Variants in AFF3 observed in about 807,000 individuals in gnomAD.
The protein encoded by AFF3 is AF4/FMR2 family member 3.
AFF3 carries 32 observed loss-of-function variants against 129.7 expected under a neutral mutation model. The ratio of observed to expected loss-of-function variants is 0.25; its 90% CI spans 0.19 to 0.33. The LOEUF is 0.33. Ranked by LOEUF, AFF3 falls within the 10% of genes least tolerant of loss-of-function variation. The pLI is 1.00. For synonymous variants in AFF3, 644 were observed against 635.4 expected (o/e 1.01, Z -0.20); for missense variants, 1,373 against 1,592.0 (o/e 0.86, Z 2.34).
At chr2:100,058,612 C>T (rs1399651514) in intron 4 of AFF3, among the ~76,000 whole-genome samples, 1 of 152,046 alleles carries the variant, frequency 6.6e-6, no homozygotes, top group Non-Finnish European at 1.5e-5. Flanking sequence ...ACTGTATAGC[C>T]TCTACCAAAA....
chr2:99,827,899 C>G (rs1263122002), intron 8 of AFF3, among the ~76,000 whole-genome samples: 1 of 151,938 alleles, frequency 6.6e-6, no homozygotes, highest in African/African-American at 2.4e-5. Flanking sequence ...GCCACTGGCC[C>G]AGGGGTGCTC....
At position 100,058,895 on chromosome 2, in the gene AFF3, G is replaced by A. The variant is rs1259319684; in HGVS notation, c.53+45507C>T. On this transcript the variant is annotated intron_variant, in intron 4 of 24. Transcript: ENST00000672756. Reference sequence around the variant, plus strand: ...AAATCATGTATCTGATAAGGGACTTGTACCTGAAATATACACTGAATTCTT... The same window carrying A: ...AAATCATGTATCTGATAAGGGACTTATACCTGAAATATACACTGAATTCTT... Among the ~76,000 whole-genome samples, 5 of 152,230 alleles carry A rather than the reference G, an allele frequency of 3.3e-5. No homozygotes were observed. In the East Asian group the frequency reaches 9.6e-4, roughly 29 times the overall value.
At chr2:100,002,929 C>T (rs184538283) in intron 7 of AFF3, among the ~76,000 whole-genome samples, 5 of 152,314 alleles carry the variant, frequency 3.3e-5, no homozygotes, top group Admixed American at 2.6e-4. Context: ...GCCCCCATCA[C>T]CTAACATATA....
chr2:99,866,810 C>A (rs1457801627), intron 7 of AFF3, among the ~76,000 whole-genome samples: 1 of 151,712 alleles, frequency 6.6e-6, no homozygotes, highest in Non-Finnish European at 1.5e-5. Flanking sequence ...AACCCTATAT[C>A]TACTAAAAAT....
intron 8 of AFF3, among the ~76,000 whole-genome samples, chr2:99,760,069 T>C (rs1260171000): frequency 6.6e-6 from 1 of 152,162 alleles, no homozygotes; most frequent in Non-Finnish European, 1.5e-5. Flanking sequence ...ACTAGTATAG[T>C]TCCCCTCCCA....
intron 4 of AFF3, among the ~76,000 whole-genome samples, chr2:100,081,461 GCTCACCCAGGC>G (rs1689044685): frequency 6.6e-6 from 1 of 151,840 alleles, no homozygotes; most frequent in African/African-American, 2.4e-5. Context: ...GTGACCACCT[GCTCACCCAGGC>G]ACTTCCTCCA....
chr2:100,025,096 A>G (rs1683930037), intron 4 of AFF3, among the ~76,000 whole-genome samples: 1 of 152,136 alleles, frequency 6.6e-6, no homozygotes, highest in South Asian at 2.1e-4. Context: ...ACTATCAAAT[A>G]CAGCACAGGA....
At chr2:99,915,408 C>G (rs964291506) in intron 7 of AFF3, among the ~76,000 whole-genome samples, 2 of 152,024 alleles carry the variant, frequency 1.3e-5, no homozygotes, top group African/African-American at 4.8e-5. Context: ...GTAATAAAAG[C>G]CATACAAACC....
At chr2:99,616,562 T>C (rs1360104870) in intron 13 of AFF3, among the ~76,000 whole-genome samples, 2 of 152,150 alleles carry the variant, frequency 1.3e-5, no homozygotes, top group South Asian at 4.1e-4. Flanking sequence ...GAGACTAGCC[T>C]GACCAATATG....
At chr2:100,078,630 T>G (rs1054529589) in intron 4 of AFF3, among the ~76,000 whole-genome samples, 1 of 152,154 alleles carries the variant, frequency 6.6e-6, no homozygotes, top group African/African-American at 2.4e-5. Flanking sequence ...TGAACTGAGT[T>G]AAATGGACTT....
chr2:99,733,995 A>C (rs1453467054), intron 10 of AFF3, among the ~76,000 whole-genome samples: 1 of 152,224 alleles, frequency 6.6e-6, no homozygotes, highest in Non-Finnish European at 1.5e-5. Flanking sequence ...GAGCTGTATT[A>C]AATCTATAGA....
In AFF3 at chr2:99,752,328, T is replaced by G. The variant is rs533779751; in HGVS notation, c.922-27A>C. On this transcript the variant is annotated intron_variant, in intron 8 of 24. Transcript: ENST00000672756. ...TGAAGGACGGGATAAAAACAAACAA[T>G]ATTGTGATACAGACAGTATTTAAAA... is the stretch of plus-strand genomic sequence containing the variant. 3.8e-6 allele frequency: 6 copies of G among 1,584,472 alleles called. No homozygotes were observed. The South Asian group carries it at 5.5e-5, about 15-fold the overall frequency.
chr2:99,662,197 A>G (rs1209092904), intron 12 of AFF3, among the ~76,000 whole-genome samples: 1 of 152,186 alleles, frequency 6.6e-6, no homozygotes, highest in Non-Finnish European at 1.5e-5. Context: ...CAAACAAACC[A>G]ACCCTTCTGC....
chr2:99,802,770 G>A (rs1163663443), intron 8 of AFF3, among the ~76,000 whole-genome samples: 2 of 150,760 alleles, frequency 1.3e-5, no homozygotes, highest in Non-Finnish European at 2.9e-5. Context: ...GTCACTGTTG[G>A]TGTATAGCAG....
intron 7 of AFF3, among the ~76,000 whole-genome samples, chr2:100,005,253 T>C (rs1292694609): frequency 6.6e-6 from 1 of 152,246 alleles, no homozygotes; most frequent in African/African-American, 2.4e-5. Context: ...TTTTTTTGTT[T>C]TAACTAGAGT....
At chr2:99,828,924 T>C (rs1558891235) in intron 8 of AFF3, among the ~76,000 whole-genome samples, 1 of 152,216 alleles carries the variant, frequency 6.6e-6, no homozygotes, top group Non-Finnish European at 1.5e-5. Context: ...TAAGTACTAA[T>C]ATCACTTCAG....
At chr2:100,124,336 A>G (rs1217308396) in intron 2 of AFF3, among the ~76,000 whole-genome samples, 3 of 152,234 alleles carry the variant, frequency 2.0e-5, no homozygotes, top group Non-Finnish European at 4.4e-5. Context: ...GTGAAAAGAA[A>G]GCTTGCCTAG....
At chr2:99,810,602 C>G (rs1349933732) in intron 8 of AFF3, among the ~76,000 whole-genome samples, 2 of 152,150 alleles carry the variant, frequency 1.3e-5, no homozygotes, top group East Asian at 3.9e-4. Flanking sequence ...AAAGTAGTAT[C>G]TGAAATATCT....
At chr2:99,562,298 G>A (rs1044483830) in intron 20 of AFF3, among the ~76,000 whole-genome samples, 3 of 152,112 alleles carry the variant, frequency 2.0e-5, no homozygotes, top group South Asian at 2.1e-4. Context: ...TGACACAAAT[G>A]TTGGATTTTT....
Sources: gnomAD v4.1 joint callset for allele counts (sites outside exome capture counted in the v4.1 genomes callset) on GRCh38, gnomAD v4.1.1 for gene constraint, MANE v1.5 for transcripts, NCBI Gene and HGNC (gene_info 2026-07-23, HGNC 2026-07-21) for gene names.